XKR4: variants seen among roughly 807,000 people sequenced by gnomAD.
The protein encoded by XKR4 is XK related 4, also known as XK-related protein 4.
Under a neutral mutation model 53.9 loss-of-function variants are expected in XKR4, and 12 were observed. The ratio of observed to expected loss-of-function variants is 0.22; its 90% CI spans 0.14 to 0.36. The LOEUF (loss-of-function observed/expected upper bound fraction) is 0.36. Ranked by LOEUF, XKR4 falls within the 10% of genes least tolerant of loss-of-function variation. The pLI, the probability that XKR4 is intolerant of heterozygous loss-of-function variation, is 1.00. For missense variants in XKR4, 799 were observed against 859.5 expected (o/e 0.93, Z 0.88); for synonymous variants, 354 against 362.4 (o/e 0.98, Z 0.26).
At chr8:55,454,169 CTG>C (rs1805513688) in intron 2 of XKR4, 2 of 986,972 alleles carry the variant, frequency 2.0e-6, no homozygotes. Flanking sequence ...TCTTAGAACA[CTG>C]TGCGTCTGAC....
chr8:55,110,615 A>T (rs1013255241), intron 1 of XKR4, among the ~76,000 whole-genome samples: 2 of 152,178 alleles, frequency 1.3e-5, no homozygotes, highest in African/African-American at 4.8e-5. Flanking sequence ...TTGGGAAAAT[A>T]GGGGTAAATT....
intron 1 of XKR4, among the ~76,000 whole-genome samples, chr8:55,233,188 G>T (rs941418493): frequency 6.6e-6 from 1 of 152,214 alleles, no homozygotes; most frequent in Non-Finnish European, 1.5e-5. Flanking sequence ...TCCAGGGAAA[G>T]CTACAACGCC....
At chr8:55,173,958 C>G (rs1283060027) in intron 1 of XKR4, among the ~76,000 whole-genome samples, 3 of 152,056 alleles carry the variant, frequency 2.0e-5, no homozygotes, top group Non-Finnish European at 4.4e-5. Flanking sequence ...GAAAATATTG[C>G]AAGAATTACG....
At chr8:55,314,167 C>T (rs1043380460) in intron 1 of XKR4, among the ~76,000 whole-genome samples, 4 of 152,162 alleles carry the variant, frequency 2.6e-5, no homozygotes, top group Admixed American at 2.6e-4. Flanking sequence ...GGCTTGTGAA[C>T]TTGGCAGACC....
intron 1 of XKR4, among the ~76,000 whole-genome samples, chr8:55,207,116 C>T (rs1024478585): frequency 6.6e-6 from 1 of 152,220 alleles, no homozygotes; most frequent in Non-Finnish European, 1.5e-5. Flanking sequence ...AGGTCCTGCC[C>T]CAGATGGCAT....
At chr8:55,197,309 T>G (rs1817518246) in intron 1 of XKR4, among the ~76,000 whole-genome samples, 1 of 152,236 alleles carries the variant, frequency 6.6e-6, no homozygotes, top group South Asian at 2.1e-4. Flanking sequence ...GATACATTGC[T>G]GGTATATTAA....
chr8:55,298,127 T>C (rs1819126317), intron 1 of XKR4, among the ~76,000 whole-genome samples: 1 of 152,152 alleles, frequency 6.6e-6, no homozygotes, highest in South Asian at 2.1e-4. Flanking sequence ...ATTTTAGCTC[T>C]TACGTACCAA....
chr8:55,388,245 T>C (rs551487640), intron 2 of XKR4, among the ~76,000 whole-genome samples: 1 of 152,312 alleles, frequency 6.6e-6, no homozygotes, highest in South Asian at 2.1e-4. Context: ...TTCTAAATTA[T>C]AGGTATCCTG....
At chr8:55,234,200 C>T (rs1818088035) in intron 1 of XKR4, among the ~76,000 whole-genome samples, 1 of 152,150 alleles carries the variant, frequency 6.6e-6, no homozygotes, top group African/African-American at 2.4e-5. Flanking sequence ...CTGCTCAGAC[C>T]TGAAAATACT....
intron 1 of XKR4, among the ~76,000 whole-genome samples, chr8:55,232,702 G>T (rs1210064971): frequency 6.6e-6 from 1 of 152,152 alleles, no homozygotes; most frequent in Non-Finnish European, 1.5e-5. Flanking sequence ...CAATTATAAT[G>T]TATCAAACTC....
chr8:55,301,606 C>G (rs569080502), intron 1 of XKR4, among the ~76,000 whole-genome samples: 274 of 152,202 alleles, frequency 1.8e-3, no homozygotes, highest in African/African-American at 6.3e-3. Flanking sequence ...GTTTACAGTC[C>G]CAGCAGCAGT....
chr8:55,485,018 T>C (rs770949731), intron 2 of XKR4, among the ~76,000 whole-genome samples: 1 of 152,220 alleles, frequency 6.6e-6, no homozygotes, highest in Non-Finnish European at 1.5e-5. Flanking sequence ...CTAACACATA[T>C]GATCATATCA....
intron 1 of XKR4, among the ~76,000 whole-genome samples, chr8:55,302,806 G>T (rs1044514035): frequency 9.9e-5 from 15 of 152,076 alleles, no homozygotes; most frequent in African/African-American, 2.9e-4. Flanking sequence ...TTGTCTGTTA[G>T]TGGTGTATAA....
intron 2 of XKR4, among the ~76,000 whole-genome samples, chr8:55,473,516 G>A (rs1347438099): frequency 6.6e-6 from 1 of 152,104 alleles, no homozygotes; most frequent in Non-Finnish European, 1.5e-5. Flanking sequence ...AATTGGTATA[G>A]CTGAGCTTTA....
intron 1 of XKR4, among the ~76,000 whole-genome samples, chr8:55,318,641 C>A (rs1410553876): frequency 6.6e-6 from 1 of 152,098 alleles, no homozygotes; most frequent in African/African-American, 2.4e-5. Flanking sequence ...GAACCTACTA[C>A]CCTAACATTA....
chr8:55,389,322 C>A (rs1240286816), intron 2 of XKR4, among the ~76,000 whole-genome samples: 1 of 152,202 alleles, frequency 6.6e-6, no homozygotes, highest in Admixed American at 6.5e-5. Flanking sequence ...AATATATTCT[C>A]AGCCTGATAG....
intron 2 of XKR4, among the ~76,000 whole-genome samples, chr8:55,434,918 C>G (rs543397167): frequency 2.0e-5 from 3 of 152,294 alleles, no homozygotes; most frequent in Non-Finnish European, 4.4e-5. Flanking sequence ...GTGGGGTTCA[C>G]CCTGCAGCCC....
At chr8:55,207,615 TAC>T (rs1205638547) in intron 1 of XKR4, among the ~76,000 whole-genome samples, 7 of 151,908 alleles carry the variant, frequency 4.6e-5, no homozygotes, top group Admixed American at 6.6e-5. Context: ...TCACACCTTA[TAC>T]ACACACACAC....
chr8:55,284,725 C>A (rs763189518), intron 1 of XKR4, among the ~76,000 whole-genome samples: 1 of 152,156 alleles, frequency 6.6e-6, no homozygotes, highest in Admixed American at 6.5e-5. Context: ...TCCCTCCCAC[C>A]ACATTCCATT....
Sources: allele counts gnomAD v4.1 joint callset (sites outside exome capture counted in the v4.1 genomes callset), GRCh38; gene constraint gnomAD v4.1.1; transcripts MANE v1.5; gene names NCBI Gene and HGNC (gene_info 2026-07-23, HGNC 2026-07-21).